The following GABRA1 variants were observed in gnomAD, a reference collection of about 807,000 sequenced individuals.
GABRA1 encodes the protein gamma-aminobutyric acid receptor subunit alpha-1.
Under a neutral mutation model 48.9 loss-of-function variants are expected in GABRA1, and 9 were observed. The observed-to-expected ratio is 0.18, with a 90% CI of 0.11 to 0.32. GABRA1 has a LOEUF of 0.32. Ranked by LOEUF, GABRA1 falls within the 10% of genes least tolerant of loss-of-function variation. The pLI is 1.00. For missense variants in GABRA1, 285 were observed against 553.8 expected, an observed-to-expected ratio of 0.51 and a Z score of 4.87; for synonymous variants, 210 against 198.7, an observed-to-expected ratio of 1.06 and a Z score of -0.48.
intron 7 of GABRA1, 50 bp from the exon 8 acceptor site, chr5:161,890,848 C>G (rs761208235): frequency 6.4e-7 from 1 of 1,569,422 alleles, no homozygotes; most frequent in East Asian, 2.2e-5. Flanking sequence ...CAGAGATTAC[C>G]TTTTTCTAAA....
chr5:161,883,253 G>A lies in GABRA1; in HGVS notation c.703+552G>A, dbSNP rs577312984. ...CAAATTCGTTTGTATCTCTAACCAA[G>A]CATCTTCCGCAGCTAAAGCCAACAG... On this transcript the variant is annotated intron_variant, in intron 7 of 9. Transcript: ENST00000393943. Among the ~76,000 whole-genome samples, 10 of 152,160 alleles carry A rather than the reference G, an allele frequency of 6.6e-5. No homozygotes were observed. In the South Asian group the frequency reaches 1.9e-3, roughly 28 times the overall value.
chr5:161,860,738 C>G (rs1757822963), intron 3 of GABRA1, among the ~76,000 whole-genome samples: 2 of 151,548 alleles, frequency 1.3e-5, no homozygotes, highest in African/African-American at 2.4e-5. Flanking sequence ...ATCAAAACAT[C>G]TCATGTACCA....
At chr5:161,872,012 C>T (rs1036557411) in intron 4 of GABRA1, among the ~76,000 whole-genome samples, 1 of 152,174 alleles carries the variant, frequency 6.6e-6, no homozygotes, top group African/African-American at 2.4e-5. Flanking sequence ...AACTCCTAAA[C>T]ACATACATTT....
chr5:161,848,962 C>T (rs1306206103), intron 1 of GABRA1: 4 of 455,288 alleles, frequency 8.8e-6, no homozygotes, highest in South Asian at 3.1e-5. Flanking sequence ...GGTGAAATGC[C>T]CTCTTGTGTA....
Position 161,865,931 on chromosome 5 carries a change from T to G in GABRA1, c.255+143T>G, listed in dbSNP as rs1041783142. On this transcript the variant is annotated intron_variant, in intron 4 of 9. Transcript: ENST00000393943. ...GTCTTTCTGTGTGTAATATGTAATA[T>G]GTAATATAATATTTATACAATAGAA... 9 of 647,354 alleles carry G rather than the reference T, an allele frequency of 1.4e-5. No individual in the cohort carries two copies. The Admixed American group carries it at 2.2e-4, about 16-fold the overall frequency. 40.1% of individuals were successfully genotyped at this position (647,354 alleles called of 1,614,324 possible). A position where few individuals can be genotyped will look rare whatever the true frequency, so the allele number is the denominator to read the frequency against.
At chr5:161,885,807 G>A (rs978926418) in intron 7 of GABRA1, among the ~76,000 whole-genome samples, 3 of 152,140 alleles carry the variant, frequency 2.0e-5, no homozygotes, top group Admixed American at 1.3e-4. Context: ...AGGCAAACGG[G>A]AAAGATGATC....
chr5:161,893,009 A>AATAGT (rs3078111), intron 8 of GABRA1, among the ~76,000 whole-genome samples: 1 of 122,432 alleles, frequency 8.2e-6, no homozygotes, highest in Non-Finnish European at 1.6e-5. Context: ...CTTCTCAAAA[A>AATAGT]AATAATAATA....
intron 9 of GABRA1, 111 bp downstream of exon 9, chr5:161,895,979 T>C: frequency 1.1e-6 from 1 of 914,002 alleles, no homozygotes; most frequent in Non-Finnish European, 1.8e-6. Flanking sequence ...TAATAAGGAT[T>C]CTTTTTTTCT....
rs2113285271 is a variant in GABRA1, at chr5:161,849,127, T to C, written c.-16+705T>C. On this transcript the variant is annotated intron_variant, in intron 1 of 9. Transcript: ENST00000393943. The stretch of plus-strand genomic sequence containing the variant: ...TAGCCTTTCTTTTAAACTATTATGT[T>C]TGTATTTGCAAGAAACTTTCTTAAC... 3 of 298,702 alleles carry C rather than the reference T, an allele frequency of 1.0e-5. No individual in the cohort carries two copies. The Admixed American group carries it at 1.4e-4, about 14-fold the overall frequency. The allele number at this position is 298,702 out of a possible 1,614,324, so 18.5% of individuals were successfully genotyped here. A position where few individuals can be genotyped will look rare whatever the true frequency, so the allele number is the denominator to read the frequency against.
At chr5:161,878,687 C>T (rs1358214645) in intron 6 of GABRA1, among the ~76,000 whole-genome samples, 1 of 152,116 alleles carries the variant, frequency 6.6e-6, no homozygotes, top group Non-Finnish European at 1.5e-5. Flanking sequence ...AGTCAGCTAA[C>T]CCGAGGGCAA....
rs753182955 is a variant in GABRA1, at chr5:161,882,662, G to A, written c.664G>A (p.Gly222Arg). 2 of 1,613,570 alleles carry A rather than the reference G, an allele frequency of 1.2e-6. No individual in the cohort carries two copies. The highest frequency in any genetic ancestry group is 1.7e-5 in the Admixed American group (1 of 59,886). ...GSRLNQYDLL[G>R]QTVDSGIVQS... ...ACGTCTAAACCAGTATGACCTTCTT[G>A]GACAAACAGTAGACTCTGGAATTGT... The change falls in exon 7 of 10, where the codon GGA (glycine) becomes AGA (arginine). Residue 222 changes from glycine (G) to arginine (R), a missense_variant. Gly to Arg is a moderately radical substitution (Grantham distance 125, BLOSUM62 -2). Around this residue, in one of 6 missense-constraint regions of GABRA1, gnomAD observed 105 missense variants for 267.4 expected, o/e 0.39. Coordinates refer to ENST00000393943, the MANE Select transcript of GABRA1 (RefSeq NM_001127644.2).
At position 161,897,346 on chromosome 5, in the gene GABRA1, G is replaced by C. The variant is rs1755415761; in HGVS notation, c.1295G>C (p.Gly432Ala). ...LSRIAFPLLFGIFNLVYWATY... is the reference protein window; with the variant it reads ...LSRIAFPLLFAIFNLVYWATY... ...AGAATAGCCTTCCCGCTGCTATTTG[G>C]AATCTTTAACTTAGTCTACTGGGCT... Residue 432 changes from glycine (G) to alanine (A), a missense_variant, in exon 10 of 10, where the codon GGA (glycine) becomes GCA (alanine). Coordinates refer to ENST00000393943, the MANE Select transcript of GABRA1 (RefSeq NM_001127644.2). The C allele has an allele frequency of 6.2e-7, 1 of 1,613,992 alleles. No individual in the cohort carries two copies. The highest frequency in any genetic ancestry group is 1.3e-5 in the African/African-American group (1 of 74,914).
chr5:161,849,089 T>A (rs930956434), intron 1 of GABRA1: 1 of 419,782 alleles, frequency 2.4e-6, no homozygotes, highest in African/African-American at 2.1e-5. Context: ...TAGAAAGTGG[T>A]AAGACTGCAG....
intron 3 of GABRA1, 92 bp from the exon 4 acceptor site, chr5:161,865,629 A>G: frequency 1.0e-6 from 1 of 1,002,380 alleles, no homozygotes; most frequent in Non-Finnish European, 1.6e-6. Context: ...ATCAAAGACA[A>G]TCAATTTCCC....
intron 1 of GABRA1, among the ~76,000 whole-genome samples, chr5:161,849,326 T>C (rs1381042107): frequency 6.6e-6 from 1 of 152,196 alleles, no homozygotes; most frequent in Non-Finnish European, 1.5e-5. Flanking sequence ...GTTTTTCCCT[T>C]GTAACAAACG....
intron 2 of GABRA1, among the ~76,000 whole-genome samples, chr5:161,853,270 A>G (rs1286839238): frequency 6.7e-6 from 1 of 148,786 alleles, no homozygotes; most frequent in African/African-American, 2.6e-5. Flanking sequence ...GTCGAAACAC[A>G]AAGACTAATA....
At position 161,873,115 on chromosome 5, in the gene GABRA1, A is replaced by G. The variant is rs1064795805; in HGVS notation, c.256-2A>G. On this transcript the variant is annotated splice_acceptor_variant, in intron 4 of 9. Coordinates refer to ENST00000393943, the MANE Select transcript of GABRA1 (RefSeq NM_001127644.2). LOFTEE classifies it high-confidence loss of function. ...TCTTCGTCATTTTCCAAAATTACCTAGGAATATACAATAGATGTATTTTTC... is the reference window on the plus strand; with the variant it reads ...TCTTCGTCATTTTCCAAAATTACCTGGGAATATACAATAGATGTATTTTTC... 6.3e-7 allele frequency: 1 copy of G among 1,598,432 alleles called. No individual in the cohort carries two copies. Among genetic ancestry groups the G allele is most frequent in the Non-Finnish European group, 8.6e-7 (1 of 1,165,690 alleles).
chr5:161,893,426 C>A (rs2113456398), intron 8 of GABRA1, among the ~76,000 whole-genome samples: 1 of 152,180 alleles, frequency 6.6e-6, no homozygotes, highest in South Asian at 2.1e-4. Context: ...TGTTTCTATG[C>A]TTTTTAGTTT....
intron 4 of GABRA1, among the ~76,000 whole-genome samples, chr5:161,868,855 A>G (rs1280568276): frequency 6.6e-6 from 1 of 152,174 alleles, no homozygotes; most frequent in Admixed American, 6.6e-5. Context: ...ATACACCTTC[A>G]AACCTGTGAT....
Sources: allele counts gnomAD v4.1 joint callset (sites outside exome capture counted in the v4.1 genomes callset), GRCh38; gene constraint gnomAD v4.1.1; regional missense constraint gnomAD v4.1.1; transcripts MANE v1.5; gene names NCBI Gene and HGNC (gene_info 2026-07-23, HGNC 2026-07-21).